HAVCR2: variants seen among roughly 807,000 people sequenced by gnomAD.
HAVCR2 encodes hepatitis A virus cellular receptor 2.
A neutral mutation model predicts 24.7 loss-of-function variants in HAVCR2; 13 were observed. The observed-to-expected ratio is 0.53, with a 90% CI of 0.34 to 0.84. The LOEUF is 0.84. Among genes scored for constraint, HAVCR2 ranks in the 40% least tolerant of loss-of-function variants. The probability of loss-of-function intolerance (pLI) is 0.01; values close to 1 mark genes in which losing one functional copy is unlikely to be tolerated. For missense variants in HAVCR2, 343 were observed against 371.2 expected (o/e 0.92, Z 0.62); for synonymous variants, 154 against 143.4 (o/e 1.07, Z -0.53).
intron 1 of HAVCR2, 135 bp downstream of exon 1, chr5:157,108,791 C>T (rs560105604): frequency 9.6e-6 from 6 of 625,252 alleles, no homozygotes; most frequent in African/African-American, 7.2e-5. Context: ...TTACCCACTC[C>T]CTCATCGACG....
At chr5:157,095,195 TTAGTC>T (rs1221395053) in intron 5 of HAVCR2, 106 bp downstream of exon 5, 2 of 1,129,066 alleles carry the variant, frequency 1.8e-6, no homozygotes, top group African/African-American at 3.1e-5. Context: ...AAAAGGGTAT[TTAGTC>T]TAATCATCTT....
intron 4 of HAVCR2, 24 bp downstream of exon 4, chr5:157,098,834 T>C (rs776834270): frequency 4.4e-6 from 7 of 1,607,682 alleles, no homozygotes; most frequent in Non-Finnish European, 6.0e-6. Context: ...GAGTACAACA[T>C]AGCTCACAAA....
At chr5:157,097,125 C>T (rs1385710068) in intron 4 of HAVCR2, among the ~76,000 whole-genome samples, 2 of 152,020 alleles carry the variant, frequency 1.3e-5, no homozygotes, top group African/African-American at 4.8e-5. Context: ...CATACAGGTC[C>T]TTAAAAAGCA....
chr5:157,104,698 G>T lies in HAVCR2; in HGVS notation c.446C>A (p.Pro149Gln). 1.2e-6 allele frequency: 2 copies of T among 1,604,846 alleles called. No individual in the cohort carries two copies. Among genetic ancestry groups the T allele is most frequent in the African/African-American group, 1.3e-5 (1 of 74,938 alleles). ...ATGTCCCCTGGTGGTAAGCATCCTT[G>T]GAAAGGCTGCAGTGAAGTCTCTCTG... ...TRQRDFTAAF[P>Q]RMLTTRGHGP... The change falls in exon 3 of 7, where the codon CCA becomes CAA. Residue 149 changes from proline (P) to glutamine (Q), a missense_variant. Coordinates refer to ENST00000307851, the MANE Select transcript of HAVCR2 (RefSeq NM_032782.5).
At position 157,086,779 on chromosome 5, in the gene HAVCR2, A is replaced by T. The variant is rs1306598563; in HGVS notation, c.*323T>A. 2 of 258,974 alleles carry T rather than the reference A, an allele frequency of 7.7e-6. No individual in the cohort carries two copies. Among genetic ancestry groups the T allele is most frequent in the African/African-American group, 4.5e-5 (2 of 44,046 alleles). 16.0% of individuals were successfully genotyped at this position (258,974 alleles called of 1,614,324 possible). ...CTAGTTTATCTGAAGTTTCATGGACATATGATGTGCCCGAATTTCCTGGAG... is the reference window on the plus strand; with the variant it reads ...CTAGTTTATCTGAAGTTTCATGGACTTATGATGTGCCCGAATTTCCTGGAG... On this transcript the variant is annotated 3_prime_UTR_variant, in exon 7 of 7. Coordinates refer to ENST00000307851, the MANE Select transcript of HAVCR2 (RefSeq NM_032782.5).
At chr5:157,099,172 C>T (rs1757136067) in intron 3 of HAVCR2, among the ~76,000 whole-genome samples, 1 of 152,258 alleles carries the variant, frequency 6.6e-6, no homozygotes, top group South Asian at 2.1e-4. Flanking sequence ...GGAAGTCCTA[C>T]ATTAAATATG....
At chr5:157,093,446 T>C (rs756132161) in intron 5 of HAVCR2, among the ~76,000 whole-genome samples, 5 of 152,148 alleles carry the variant, frequency 3.3e-5, no homozygotes, top group Non-Finnish European at 5.9e-5. Flanking sequence ...ACTCATGTTT[T>C]TCTTGGACTG....
chr5:157,099,075 G>A (rs1027953264), intron 3 of HAVCR2, among the ~76,000 whole-genome samples, 174 bp from the exon 4 acceptor site: 1 of 152,022 alleles, frequency 6.6e-6, no homozygotes, highest in Admixed American at 6.6e-5. Context: ...AAAATTTACT[G>A]AACACCCAGG....
chr5:157,098,927 GA>G, intron 3 of HAVCR2, 26 bp from the exon 4 acceptor site: 1 of 1,604,194 alleles, frequency 6.2e-7, no homozygotes, highest in South Asian at 1.1e-5. Context: ...GAGAGAGAGA[GA>G]GAGGAAAAAT....
intron 3 of HAVCR2, among the ~76,000 whole-genome samples, chr5:157,100,924 C>T (rs1353017959): frequency 1.3e-5 from 2 of 151,980 alleles, no homozygotes; most frequent in Non-Finnish European, 2.9e-5. Flanking sequence ...GGTGAAACCC[C>T]ATCTCTACTA....
Position 157,087,092 on chromosome 5 carries a change from G to T in HAVCR2, c.*10C>A. 1.9e-6 allele frequency: 3 copies of T among 1,607,768 alleles called. No individual in the cohort carries two copies. The highest frequency in any genetic ancestry group is 1.7e-6 in the Non-Finnish European group (2 of 1,178,418). The stretch of plus-strand genomic sequence containing the variant: ...ACAAAACACCAAGCTCAAAAATAAG[G>T]TGGTTGGATCTATGGCATTGCAAAG... On this transcript the variant is annotated 3_prime_UTR_variant, in exon 7 of 7. Transcript: ENST00000307851.
chr5:157,101,565 G>C (rs891502884), intron 3 of HAVCR2, among the ~76,000 whole-genome samples: 4 of 152,104 alleles, frequency 2.6e-5, no homozygotes, highest in African/African-American at 9.7e-5. Flanking sequence ...CCATTTTTCA[G>C]ATGAAGATAC....
At chr5:157,093,348 T>C (rs1757040241) in intron 5 of HAVCR2, among the ~76,000 whole-genome samples, 1 of 152,038 alleles carries the variant, frequency 6.6e-6, no homozygotes, top group Non-Finnish European at 1.5e-5. Flanking sequence ...ATTAGAAACA[T>C]ATTAGTACCT....
intron 6 of HAVCR2, among the ~76,000 whole-genome samples, chr5:157,087,811 G>C (rs1468603971): frequency 6.6e-6 from 1 of 150,644 alleles, no homozygotes; most frequent in Non-Finnish European, 1.5e-5. Flanking sequence ...GGCTAATGCA[G>C]AGAATCGCTT....
rs1561619880 is a variant in HAVCR2, at chr5:157,092,913, A to AAAAAAAAAAAAAAAAAAAAAAAT, written c.676+2392_676+2393insATTTTTTTTTTTTTTTTTTTTTT. On this transcript the variant is annotated intron_variant, in intron 5 of 6. Coordinates refer to ENST00000307851, the MANE Select transcript of HAVCR2 (RefSeq NM_032782.5). ...AAAAAAAAAAAAAAAAAAAAAAAAA[A>AAAAAAAAAAAAAAAAAAAAAAAT]AAAAACTAGCCAGGTGTGGTGGCAT... 8.1e-5 allele frequency among the ~76,000 whole-genome samples: 10 copies of AAAAAAAAAAAAAAAAAAAAAAAT among 122,972 alleles called. 2 individuals are homozygous for AAAAAAAAAAAAAAAAAAAAAAAT. The highest frequency in any genetic ancestry group is 2.8e-4 in the African/African-American group (9 of 32,212). The allele number at this position is 122,972 out of a possible 152,430, so 80.7% of individuals were successfully genotyped here. A position where few individuals can be genotyped will look rare whatever the true frequency, so the allele number is the denominator to read the frequency against.
chr5:157,106,487 G>C (rs554069524), intron 2 of HAVCR2, 140 bp downstream of exon 2: 2 of 661,454 alleles, frequency 3.0e-6, no homozygotes, highest in Non-Finnish European at 5.2e-6. Context: ...CATCACCAAT[G>C]GGGCCTGTTA....
intron 1 of HAVCR2, among the ~76,000 whole-genome samples, chr5:157,108,118 G>A (rs1449117959): frequency 2.0e-5 from 3 of 151,148 alleles, no homozygotes; most frequent in Non-Finnish European, 4.4e-5. Context: ...ATTTTCTTTT[G>A]ATTTTTTATG....
In HAVCR2 at chr5:157,086,100, G is replaced by A. The variant is rs1255103424; in HGVS notation, c.*1002C>T. The A allele has an allele frequency of 2.0e-5, 3 of 149,470 alleles. No individual in the cohort carries two copies. The highest frequency in any genetic ancestry group is 7.7e-5 in the African/African-American group (3 of 39,000). 9.3% of individuals were successfully genotyped at this position (149,470 alleles called of 1,614,324 possible). On this transcript the variant is annotated 3_prime_UTR_variant, in exon 7 of 7. Transcript: ENST00000307851. ...AGTTTGGTCCACGAATACAGAAGTTGGTCAGAGATATTTTCTTTCAAGCAC... is the reference window on the plus strand; with the variant it reads ...AGTTTGGTCCACGAATACAGAAGTTAGTCAGAGATATTTTCTTTCAAGCAC...
intron 6 of HAVCR2, among the ~76,000 whole-genome samples, chr5:157,087,918 A>AG (rs1482843339): frequency 4.6e-5 from 7 of 152,006 alleles, no homozygotes; most frequent in Non-Finnish European, 8.8e-5. Context: ...AAAAAAAAAA[A>AG]AATTATTAAT....
Sources: gnomAD v4.1 joint callset for allele counts (sites outside exome capture counted in the v4.1 genomes callset) on GRCh38, gnomAD v4.1.1 for gene constraint, MANE v1.5 for transcripts, NCBI Gene and HGNC (gene_info 2026-07-23, HGNC 2026-07-21) for gene names.